The following ST8SIA1 variants were observed in gnomAD, a reference collection of about 807,000 sequenced individuals.
ST8SIA1 encodes the protein alpha-N-acetylneuraminide alpha-2,8-sialyltransferase.
A neutral mutation model predicts 35.9 loss-of-function variants in ST8SIA1; 16 were observed. That is an observed-to-expected ratio of 0.45 (90% CI 0.30 to 0.68). ST8SIA1 has a LOEUF of 0.68. Among genes scored for constraint, ST8SIA1 ranks in the 30% least tolerant of loss-of-function variants. The pLI, the probability that ST8SIA1 is intolerant of heterozygous loss-of-function variation, is 0.09. For missense variants in ST8SIA1, 383 were observed against 453.6 expected, an observed-to-expected ratio of 0.84 and a Z score of 1.41; for synonymous variants, 170 against 169.6, an observed-to-expected ratio of 1.00 and a Z score of -0.02.
chr12:22,194,029 G>A lies in ST8SIA1; in HGVS notation c.*7523C>T, dbSNP rs766573492. 2.0e-5 allele frequency: 3 copies of A among 152,072 alleles called. No individual in the cohort carries two copies. The highest frequency in any genetic ancestry group is 3.2e-3 in the Middle Eastern group (1 of 316). The allele number at this position is 152,072 out of a possible 1,614,324, so 9.4% of individuals were successfully genotyped here. A position where few individuals can be genotyped will look rare whatever the true frequency, so the allele number is the denominator to read the frequency against. On this transcript the variant is annotated 3_prime_UTR_variant, in exon 5 of 5. Transcript: ENST00000396037. ...GCTTTTTAGACTGACTATGCTGCAC[G>A]GTAACTGGAATTTTAGTAATATTTC...
intron 1 of ST8SIA1, among the ~76,000 whole-genome samples, chr12:22,293,269 A>G (rs1284648661): frequency 6.6e-6 from 1 of 152,240 alleles, no homozygotes; most frequent in Non-Finnish European, 1.5e-5. Context: ...CCACCAGTGG[A>G]TGGTGCTGAG....
chr12:22,221,178 G>A (rs1397882124), intron 4 of ST8SIA1, among the ~76,000 whole-genome samples: 1 of 151,860 alleles, frequency 6.6e-6, no homozygotes, highest in Admixed American at 6.6e-5. Flanking sequence ...TTGCCCACCA[G>A]CAATACCACT....
chr12:22,257,712 G>A (rs185786602), intron 2 of ST8SIA1, among the ~76,000 whole-genome samples: 1 of 152,074 alleles, frequency 6.6e-6, no homozygotes, highest in East Asian at 1.9e-4. Flanking sequence ...ATGAAGAAGC[G>A]AGGCAGAAGA....
intron 1 of ST8SIA1, among the ~76,000 whole-genome samples, 195 bp from the exon 2 acceptor site, chr12:22,287,488 CAA>C (rs60549878): frequency 0.048 from 6,086 of 126,248 alleles, 384 homozygotes; most frequent in African/African-American, 0.17. Context: ...TATTTCACAG[CAA>C]AAAAAAAAAA....
At chr12:22,300,757 G>A (rs1866308823) in intron 1 of ST8SIA1, among the ~76,000 whole-genome samples, 1 of 152,092 alleles carries the variant, frequency 6.6e-6, no homozygotes, top group African/African-American at 2.4e-5. Context: ...TTTTGTGATA[G>A]CAAATGTCTT....
chr12:22,221,958 C>A (rs1326889727), intron 4 of ST8SIA1, among the ~76,000 whole-genome samples: 1 of 151,902 alleles, frequency 6.6e-6, no homozygotes, highest in Non-Finnish European at 1.5e-5. Flanking sequence ...CCATTCTTCA[C>A]CCATTTTCAA....
intron 1 of ST8SIA1, chr12:22,326,424 A>G (rs1866682419): frequency 6.6e-6 from 1 of 152,436 alleles, no homozygotes; most frequent in Non-Finnish European, 1.5e-5. Flanking sequence ...TAGGCACAGA[A>G]TTTGTCCAAA....
At chr12:22,255,017 T>C (rs1165780393) in intron 3 of ST8SIA1, among the ~76,000 whole-genome samples, 1 of 152,216 alleles carries the variant, frequency 6.6e-6, no homozygotes, top group African/African-American at 2.4e-5. Flanking sequence ...GATTTTCCAC[T>C]TTCCCCTGCT....
intron 4 of ST8SIA1, among the ~76,000 whole-genome samples, chr12:22,207,579 T>G (rs756514336): frequency 6.6e-6 from 1 of 152,166 alleles, no homozygotes; most frequent in Non-Finnish European, 1.5e-5. Context: ...CAGTTTGAGC[T>G]CTGTCATACA....
At chr12:22,273,811 A>G (rs1865939233) in intron 2 of ST8SIA1, among the ~76,000 whole-genome samples, 1 of 152,202 alleles carries the variant, frequency 6.6e-6, no homozygotes. Flanking sequence ...CTCAAGCACT[A>G]TGCTACAAAC....
intron 1 of ST8SIA1, among the ~76,000 whole-genome samples, chr12:22,305,008 G>A (rs1866366872): frequency 6.6e-6 from 1 of 152,150 alleles, no homozygotes. Context: ...TGCAGATTTA[G>A]GGCTATTTAG....
intron 1 of ST8SIA1, among the ~76,000 whole-genome samples, chr12:22,316,104 TTAA>T (rs1254642158): frequency 6.6e-6 from 1 of 152,124 alleles, no homozygotes; most frequent in Non-Finnish European, 1.5e-5. Context: ...GTTTCAGTTC[TTAA>T]TAATAACATA....
intron 2 of ST8SIA1, among the ~76,000 whole-genome samples, chr12:22,283,646 C>A (rs11612221): frequency 0.2 from 31,149 of 152,100 alleles, 3,204 homozygotes; most frequent in Middle Eastern, 0.32. Flanking sequence ...AAATATTTCA[C>A]CAAAATACAT....
At chr12:22,282,386 G>A (rs867615320) in intron 2 of ST8SIA1, among the ~76,000 whole-genome samples, 4 of 152,302 alleles carry the variant, frequency 2.6e-5, no homozygotes, top group Middle Eastern at 3.4e-3. Context: ...GTTGACAAAC[G>A]CAAGGCATTT....
rs1864947895 is a variant in ST8SIA1, at chr12:22,193,487, C to T, written c.*8065G>A. The T allele has an allele frequency of 6.6e-6, 1 of 152,100 alleles. No homozygotes were observed. The highest frequency in any genetic ancestry group is 2.4e-5 in the African/African-American group (1 of 41,406). The allele number at this position is 152,100 out of a possible 1,614,324, so 9.4% of individuals were successfully genotyped here. A position where few individuals can be genotyped will look rare whatever the true frequency, so the allele number is the denominator to read the frequency against. On this transcript the variant is annotated 3_prime_UTR_variant, in exon 5 of 5. Transcript: ENST00000396037. Reference sequence around the variant, plus strand: ...ACTTACCGAACCTTCTCACTGCCAGCCATAATTACAATGAATACACCAAAG... The same window carrying T: ...ACTTACCGAACCTTCTCACTGCCAGTCATAATTACAATGAATACACCAAAG...
At chr12:22,321,022 GAAAGAA>G (rs1565596075) in intron 1 of ST8SIA1, among the ~76,000 whole-genome samples, 1,710 of 90,094 alleles carry the variant, frequency 0.019, 21 homozygotes, top group South Asian at 0.032. Context: ...AAGAAAGAAA[GAAAGAA>G]AGAAAGAGAA....
intron 1 of ST8SIA1, among the ~76,000 whole-genome samples, chr12:22,322,064 T>C (rs556259054): frequency 2.6e-5 from 4 of 152,330 alleles, no homozygotes; most frequent in African/African-American, 7.2e-5. Flanking sequence ...TCCAAAGATA[T>C]CATACCACTG....
At chr12:22,240,731 T>C (rs572460863) in intron 4 of ST8SIA1, among the ~76,000 whole-genome samples, 6 of 152,254 alleles carry the variant, frequency 3.9e-5, no homozygotes, top group Non-Finnish European at 7.4e-5. Flanking sequence ...TTGTTCCCCC[T>C]GCGATTATCT....
chr12:22,224,583 G>T (rs1215021314), intron 4 of ST8SIA1, among the ~76,000 whole-genome samples: 4 of 151,936 alleles, frequency 2.6e-5, no homozygotes, highest in African/African-American at 9.7e-5. Flanking sequence ...CTTTATCTTG[G>T]TATCTCTGAT....
Sources: allele counts gnomAD v4.1 joint callset (sites outside exome capture counted in the v4.1 genomes callset), GRCh38; gene constraint gnomAD v4.1.1; transcripts MANE v1.5; gene names NCBI Gene and HGNC (gene_info 2026-07-23, HGNC 2026-07-21).